Variants in TG observed in about 807,000 individuals in gnomAD.
The protein encoded by TG is thyroglobulin.
Under a neutral mutation model 324.7 loss-of-function variants are expected in TG, and 270 were observed. The observed-to-expected ratio is 0.83, with a 90% CI of 0.75 to 0.92. The LOEUF (loss-of-function observed/expected upper bound fraction) is 0.92, where lower values mean the gene tolerates loss of function less well. Among genes scored for constraint, TG ranks in the 40% least tolerant of loss-of-function variants. TG has a pLI of 0.00. For synonymous variants in TG, 1,401 were observed against 1,327.0 expected, an observed-to-expected ratio of 1.06 and a Z score of -1.21; for missense variants, 3,591 against 3,456.4, an observed-to-expected ratio of 1.04 and a Z score of -0.98.
rs779900722 is a variant in TG, at chr8:132,901,448, T to C, written c.3529T>C (p.Ser1177Pro). 2 of 1,614,208 alleles carry C rather than the reference T, an allele frequency of 1.2e-6. No individual in the cohort carries two copies. The highest frequency in any genetic ancestry group is 4.5e-5 in the East Asian group (2 of 44,880). The change falls in exon 16 of 48, where the codon TCC becomes CCC. Residue 1177 changes from serine to proline, a missense_variant. By Grantham distance (74) the Ser-to-Pro change is moderately conservative. Transcript: ENST00000220616. ...CTGCAGGGCAGAGGATGGGGGCTTT[T>C]CCCCAGTGCAATGTGACCAGGCCCA... ...PACRAEDGGF[S>P]PVQCDQAQGS...
At chr8:133,050,296 A>G (rs1487670898) in intron 41 of TG, 1 of 411,282 alleles carries the variant, frequency 2.4e-6, no homozygotes, top group Non-Finnish European at 4.5e-6. Flanking sequence ...AATGTTTACT[A>G]TGTTGATTTA....
intron 29 of TG, among the ~76,000 whole-genome samples, chr8:132,963,897 T>C (rs1399699575): frequency 2.0e-5 from 3 of 152,132 alleles, no homozygotes; most frequent in Non-Finnish European, 2.9e-5. Context: ...CTACATGCCT[T>C]AGTGCACGGC....
rs564264158 is a variant in TG, at chr8:133,063,935, T to C, written c.7240-31109T>C. ...TTTAATCTGTGACAATTTTATGCAG[T>C]GGCTGAAGGTGGGAGAGAGGGTACC... On this transcript the variant is annotated intron_variant, in intron 41 of 47. Transcript: ENST00000220616. Among the ~76,000 whole-genome samples the C allele has an allele frequency of 3.3e-5, 5 of 152,352 alleles. No homozygotes were observed. The South Asian group carries it at 1.0e-3, about 32-fold the overall frequency.
chr8:132,895,501 G>A (rs1816964702), intron 11 of TG, among the ~76,000 whole-genome samples: 1 of 152,262 alleles, frequency 6.6e-6, no homozygotes, highest in Non-Finnish European at 1.5e-5. Context: ...AAGGCACTGT[G>A]TCTTATTCTT....
intron 41 of TG, chr8:133,045,235 T>C: frequency 1.0e-6 from 1 of 978,220 alleles, no homozygotes; most frequent in South Asian, 1.5e-5. Context: ...ACAACAGTGA[T>C]GCTAGGATGC....
chr8:133,080,662 C>T (rs1845609250), intron 41 of TG, among the ~76,000 whole-genome samples: 1 of 152,196 alleles, frequency 6.6e-6, no homozygotes, highest in Non-Finnish European at 1.5e-5. Context: ...CTGTTCTCCA[C>T]CCTCCTTATC....
intron 45 of TG, among the ~76,000 whole-genome samples, chr8:133,118,665 A>C (rs1018724505): frequency 6.6e-6 from 1 of 152,294 alleles, no homozygotes; most frequent in South Asian, 2.1e-4. Context: ...AAAAAAGTTC[A>C]GAGCCCAATT....
At chr8:133,047,717 A>T (rs1260273156) in intron 41 of TG, 1 of 740,316 alleles carries the variant, frequency 1.4e-6, no homozygotes, top group African/African-American at 1.7e-5. Flanking sequence ...ACTACATTGG[A>T]TCAATTTGCA....
intron 37 of TG, 110 bp from the exon 38 acceptor site, chr8:133,017,668 C>T (rs1835162375): frequency 9.2e-7 from 1 of 1,087,822 alleles, no homozygotes; most frequent in Non-Finnish European, 1.4e-6. Flanking sequence ...TTTCAAGGTG[C>T]AAAAACCGTG....
intron 41 of TG, among the ~76,000 whole-genome samples, chr8:133,035,074 T>A (rs75792071): frequency 0.018 from 2,816 of 152,330 alleles, 38 homozygotes; most frequent in Non-Finnish European, 0.029. Context: ...TCTTCTACCT[T>A]CTTCCCGTTT....
chr8:132,949,029 T>C, intron 27 of TG, 86 bp downstream of exon 27: 1 of 1,288,680 alleles, frequency 7.8e-7, no homozygotes, highest in Non-Finnish European at 1.1e-6. Flanking sequence ...GAGCCCTCCT[T>C]GTGGCCTGAG....
Position 132,908,299 on chromosome 8 carries a change from A to G in TG, c.3961A>G (p.Ile1321Val). Reference sequence around the variant, plus strand: ...TTTGCTGCAGACTTTCCAGGTTTTCATATTGGATGAGCTGACAGCCCGCGG... The same window carrying G: ...TTTGCTGCAGACTTTCCAGGTTTTCGTATTGGATGAGCTGACAGCCCGCGG... ...ADLLQTFQVF[I>V]LDELTARGFC... is the part of the protein sequence containing the mutation. The change falls in exon 18 of 48, where the codon ATA becomes GTA. Residue 1321 changes from isoleucine to valine, a missense_variant. Transcript: ENST00000220616. 1 of 1,613,318 alleles carries G rather than the reference A, an allele frequency of 6.2e-7. No individual in the cohort carries two copies. The highest frequency in any genetic ancestry group is 1.1e-5 in the South Asian group (1 of 91,018).
intron 34 of TG, among the ~76,000 whole-genome samples, chr8:132,974,853 G>C (rs968480374): frequency 6.6e-6 from 1 of 152,116 alleles, no homozygotes; most frequent in Admixed American, 6.5e-5. Context: ...CCCATTCCCT[G>C]TGTGTGCCTC....
At chr8:132,905,842 CA>C (rs1176354407) in intron 16 of TG, among the ~76,000 whole-genome samples, 1 of 152,100 alleles carries the variant, frequency 6.6e-6, no homozygotes, top group Non-Finnish European at 1.5e-5. Flanking sequence ...TGGTAGAAAA[CA>C]GAACGTGTTG....
intron 27 of TG, among the ~76,000 whole-genome samples, chr8:132,958,359 CTAT>C (rs1381881961): frequency 0.088 from 26 of 294 alleles, no homozygotes; most frequent in Non-Finnish European, 0.14. Context: ...ATCTATCTGT[CTAT>C]CTATCTATCT....
At chr8:132,870,053 C>T (rs1839339964) in intron 3 of TG, among the ~76,000 whole-genome samples, 1 of 152,172 alleles carries the variant, frequency 6.6e-6, no homozygotes, top group African/African-American at 2.4e-5. Flanking sequence ...CAGTTCCTCC[C>T]ATGAGCCACA....
At chr8:132,929,470 A>T (rs1822373950) in intron 23 of TG, among the ~76,000 whole-genome samples, 1 of 152,182 alleles carries the variant, frequency 6.6e-6, no homozygotes, top group South Asian at 2.1e-4. Flanking sequence ...CCAGGTCAGG[A>T]TCTATATCTC....
chr8:133,133,409 C>A, intron 46 of TG, 61 bp from the exon 47 acceptor site: 1 of 1,519,684 alleles, frequency 6.6e-7, no homozygotes, highest in South Asian at 1.1e-5. Flanking sequence ...GGAAGTGATT[C>A]AGGTGATGAA....
At chr8:132,901,576 G>C (rs750818621) in intron 16 of TG, 23 bp downstream of exon 16, 1 of 1,606,336 alleles carries the variant, frequency 6.2e-7, no homozygotes, top group Middle Eastern at 2.0e-4. Flanking sequence ...CCCCTGGGGG[G>C]ACGACGAGGC....
Sources: allele counts gnomAD v4.1 joint callset (sites outside exome capture counted in the v4.1 genomes callset), GRCh38; gene constraint gnomAD v4.1.1; transcripts MANE v1.5; gene names NCBI Gene and HGNC (gene_info 2026-07-23, HGNC 2026-07-21).